Variants in TMEM163 observed in about 807,000 individuals in gnomAD.
The protein encoded by TMEM163 is transmembrane protein 163.
TMEM163 carries 17 observed loss-of-function variants against 29.3 expected under a neutral mutation model. That is an observed-to-expected ratio of 0.58 (90% CI 0.40 to 0.87). The LOEUF is 0.87. Ranked by LOEUF, TMEM163 falls within the 40% of genes least tolerant of loss-of-function variation. The pLI is 0.00. For synonymous variants in TMEM163, 157 were observed against 160.6 expected (o/e 0.98, Z 0.17); for missense variants, 303 against 381.5 (o/e 0.79, Z 1.71).
chr2:134,571,540 G>C (rs77789914), intron 2 of TMEM163, among the ~76,000 whole-genome samples: 3,075 of 152,130 alleles, frequency 0.02, 48 homozygotes, highest in African/African-American at 0.041. Context: ...CTATATTAGG[G>C]GTCCCCAAGA....
At chr2:134,657,858 C>T (rs570220150) in intron 2 of TMEM163, among the ~76,000 whole-genome samples, 4 of 152,022 alleles carry the variant, frequency 2.6e-5, no homozygotes, top group Admixed American at 1.3e-4. Context: ...CACTAGAGGG[C>T]GTGGGCGGGA....
At chr2:134,594,851 G>GTCTCTCTCTC (rs70973456) in intron 2 of TMEM163, among the ~76,000 whole-genome samples, 83 of 147,950 alleles carry the variant, frequency 5.6e-4, no homozygotes, top group African/African-American at 2.0e-3. Context: ...GAGACCTTGA[G>GTCTCTCTCTC]TCTCTCTCTC....
Position 134,553,722 on chromosome 2 carries a change from A to C in TMEM163, c.323-1631T>G, listed in dbSNP as rs1405639227. ...AGTCCCTGCTGTTGCTCTTACTGGC[A>C]CAGGGAGAAGGGCAGAGCCAGCTGT... is the stretch of plus-strand genomic sequence containing the variant. On this transcript the variant is annotated intron_variant, in intron 2 of 7. Transcript: ENST00000281924. Among the ~76,000 whole-genome samples, 9 of 152,334 alleles carry C rather than the reference A, an allele frequency of 5.9e-5. No individual in the cohort carries two copies. The East Asian group carries it at 1.7e-3, about 29-fold the overall frequency.
At chr2:134,523,789 T>G (rs746798628) in intron 4 of TMEM163, among the ~76,000 whole-genome samples, 2 of 152,184 alleles carry the variant, frequency 1.3e-5, no homozygotes, top group Non-Finnish European at 2.9e-5. Flanking sequence ...GTAACACTAC[T>G]CCAGTGGTTC....
intron 4 of TMEM163, among the ~76,000 whole-genome samples, chr2:134,511,953 A>T (rs934012037): frequency 3.3e-5 from 5 of 152,212 alleles, no homozygotes; most frequent in Admixed American, 6.5e-5. Flanking sequence ...CTGAACACGG[A>T]TGGGGAATAG....
intron 5 of TMEM163, among the ~76,000 whole-genome samples, chr2:134,492,526 GCCT>G (rs1679452817): frequency 6.6e-6 from 1 of 152,010 alleles, no homozygotes; most frequent in African/African-American, 2.4e-5. Flanking sequence ...TCCACCTCTA[GCCT>G]CAGGCAACCA....
intron 6 of TMEM163, 125 bp downstream of exon 6, chr2:134,465,989 G>C (rs1198880475): frequency 1.5e-6 from 1 of 662,058 alleles, no homozygotes. Context: ...GCGGGTAGGA[G>C]AGTGAGAAAT....
chr2:134,661,136 TACAA>T (rs1171540852), intron 2 of TMEM163, among the ~76,000 whole-genome samples: 2 of 148,012 alleles, frequency 1.4e-5, no homozygotes, highest in Non-Finnish European at 3.0e-5. Flanking sequence ...CACACACACA[TACAA>T]ACACACACAC....
chr2:134,613,694 A>G (rs1434295907), intron 2 of TMEM163, among the ~76,000 whole-genome samples: 2 of 152,184 alleles, frequency 1.3e-5, no homozygotes, highest in Admixed American at 6.5e-5. Flanking sequence ...GAAGGCAACT[A>G]ACAACAAGCA....
chr2:134,690,980 G>A (rs1391296954), intron 2 of TMEM163, among the ~76,000 whole-genome samples: 1 of 152,140 alleles, frequency 6.6e-6, no homozygotes, highest in Non-Finnish European at 1.5e-5. Context: ...GTGCCCCAGG[G>A]GTGGGTGACA....
intron 4 of TMEM163, among the ~76,000 whole-genome samples, chr2:134,534,732 C>A (rs114609472): frequency 6.6e-6 from 1 of 151,688 alleles, no homozygotes; most frequent in Non-Finnish European, 1.5e-5. Flanking sequence ...CTAACCTGGG[C>A]GACACAGTGA....
intron 3 of TMEM163, among the ~76,000 whole-genome samples, chr2:134,551,149 G>T (rs537058524): frequency 1.2e-4 from 19 of 152,268 alleles, no homozygotes; most frequent in African/African-American, 4.6e-4. Flanking sequence ...GCTTTTGTTT[G>T]AATGAGAGAG....
At chr2:134,639,926 C>A (rs1288892964) in intron 2 of TMEM163, among the ~76,000 whole-genome samples, 1 of 152,166 alleles carries the variant, frequency 6.6e-6, no homozygotes. Context: ...ATTAAATTAT[C>A]TTCTTACTCA....
At chr2:134,476,968 A>G (rs1271544716) in intron 5 of TMEM163, among the ~76,000 whole-genome samples, 1 of 151,990 alleles carries the variant, frequency 6.6e-6, no homozygotes, top group African/African-American at 2.4e-5. Flanking sequence ...TTTATCATCA[A>G]CTTCTCTGGA....
intron 2 of TMEM163, among the ~76,000 whole-genome samples, chr2:134,597,740 G>A (rs2104807417): frequency 6.6e-6 from 1 of 152,252 alleles, no homozygotes; most frequent in Non-Finnish European, 1.5e-5. Flanking sequence ...AATCCGTCTG[G>A]TCCTGGACTT....
At chr2:134,493,428 C>T (rs1489058211) in intron 5 of TMEM163, among the ~76,000 whole-genome samples, 1 of 116,098 alleles carries the variant, frequency 8.6e-6, no homozygotes, top group African/African-American at 3.4e-5. Flanking sequence ...GTCTGGAGTA[C>T]AGTGGTGCAG....
At chr2:134,540,921 C>T (rs1172170031) in intron 4 of TMEM163, among the ~76,000 whole-genome samples, 3 of 152,184 alleles carry the variant, frequency 2.0e-5, no homozygotes, top group East Asian at 1.9e-4. Flanking sequence ...TCTAGGGGTT[C>T]GGGATAAAAA....
rs55925415 is a variant in TMEM163, at chr2:134,592,869, G to GAGATAGATAGATAGAT, written c.323-40794_323-40779dup. ...ATATAGAGATACAGATATTAATATAGAGATAGATAGATAGATAGATAGACC... is the reference window on the plus strand; with the variant it reads ...ATATAGAGATACAGATATTAATATAGAGATAGATAGATAGATAGATAGATAGATAGATAGATAGACC... On this transcript the variant is annotated intron_variant, in intron 2 of 7. Transcript: ENST00000281924. Among the ~76,000 whole-genome samples the GAGATAGATAGATAGAT allele has an allele frequency of 8.9e-3, 1,326 of 148,190 alleles. 20 individuals are homozygous for GAGATAGATAGATAGAT. Among genetic ancestry groups the GAGATAGATAGATAGAT allele is most frequent in the African/African-American group, 0.012 (464 of 39,846 alleles).
At chr2:134,623,716 G>A (rs1006826897) in intron 2 of TMEM163, among the ~76,000 whole-genome samples, 2 of 152,072 alleles carry the variant, frequency 1.3e-5, no homozygotes, top group African/African-American at 2.4e-5. Context: ...ACGGTGAGCC[G>A]AGATAGCGCC....
Sources: allele counts gnomAD v4.1 joint callset (sites outside exome capture counted in the v4.1 genomes callset), GRCh38; gene constraint gnomAD v4.1.1; transcripts MANE v1.5; gene names NCBI Gene and HGNC (gene_info 2026-07-23, HGNC 2026-07-21).